ECE1: variants seen among roughly 807,000 people sequenced by gnomAD.
ECE1 encodes endothelin converting enzyme 1.
Under a neutral mutation model 98.6 loss-of-function variants are expected in ECE1, and 35 were observed. The ratio of observed to expected loss-of-function variants is 0.35; its 90% CI spans 0.27 to 0.47. The LOEUF (loss-of-function observed/expected upper bound fraction) is 0.47, where lower values mean the gene tolerates loss of function less well. Ranked by LOEUF, ECE1 falls within the 20% of genes least tolerant of loss-of-function variation. The pLI is 1.00. For synonymous variants in ECE1, 394 were observed against 407.1 expected (o/e 0.97, Z 0.39); for missense variants, 814 against 1,025.3 (o/e 0.79, Z 2.81).
In ECE1 at chr1:21,343,964, T is replaced by C. The variant is rs1569801651; in HGVS notation, c.3+1412A>G. On this transcript the variant is annotated intron_variant, in intron 1 of 18. Coordinates refer to the ECE1 transcript ENST00000415912. ...AAATCCAGTGCTGGTCCACAGATAG[T>C]GCACTCCCTGTGTCGGAAACGGTCT... Among the ~76,000 whole-genome samples, 4 of 152,118 alleles carry C rather than the reference T, an allele frequency of 2.6e-5. No homozygotes were observed. In the South Asian group the frequency reaches 8.3e-4, roughly 32 times the overall value.
intron 1 of ECE1, among the ~76,000 whole-genome samples, chr1:21,318,264 A>T (rs1638876050): frequency 1.3e-5 from 2 of 152,174 alleles, no homozygotes; most frequent in Admixed American, 1.3e-4. Flanking sequence ...CTGCTGGCGC[A>T]TGTGCAGGAA....
intron 1 of ECE1, among the ~76,000 whole-genome samples, chr1:21,333,357 G>A (rs1010783323): frequency 6.6e-6 from 1 of 152,008 alleles, no homozygotes; most frequent in African/African-American, 2.4e-5. Flanking sequence ...GGGGTGGGTG[G>A]GTAGTAGTGT....
intron 11 of ECE1, 35 bp from the exon 12 acceptor site, chr1:21,236,879 G>A (rs373635439): frequency 3.4e-5 from 53 of 1,578,388 alleles, no homozygotes; most frequent in African/African-American, 3.1e-4. Flanking sequence ...TAAGGTCTGC[G>A]CACTGGTCTC....
chr1:21,302,759 G>T (rs1350029482), intron 1 of ECE1, among the ~76,000 whole-genome samples: 1 of 152,184 alleles, frequency 6.6e-6, no homozygotes, highest in Non-Finnish European at 1.5e-5. Flanking sequence ...CCCTTTGGAG[G>T]TGGAAGGTGA....
At chr1:21,344,878 C>G (rs550579822) in intron 1 of ECE1, 2 of 153,110 alleles carry the variant, frequency 1.3e-5, no homozygotes, top group East Asian at 3.9e-4. Flanking sequence ...CGCAACCTAG[C>G]CCTCCGAATG....
intron 17 of ECE1, among the ~76,000 whole-genome samples, chr1:21,222,403 C>A (rs534779017): frequency 1.3e-5 from 2 of 152,274 alleles, no homozygotes; most frequent in Non-Finnish European, 2.9e-5. Flanking sequence ...CAATTCCATT[C>A]CCCTCCTGGC....
rs1408161157 is a variant in ECE1, at chr1:21,322,823, C to T, written c.3+22553G>A. On this transcript the variant is annotated intron_variant, in intron 1 of 18. Transcript: ENST00000415912. This position sits in a 1 kb window ranked among gnomAD's most constrained non-coding sequence, Gnocchi z 4.1. ...AGGCCGGGAAGGGAAGTGGGCATGGCCCCCGGAAGAGGACGCACATGGATC... is the reference window on the plus strand; with the variant it reads ...AGGCCGGGAAGGGAAGTGGGCATGGTCCCCGGAAGAGGACGCACATGGATC... Among the ~76,000 whole-genome samples the T allele has an allele frequency of 2.6e-5, 4 of 152,160 alleles. No homozygotes were observed. In the East Asian group the frequency reaches 7.7e-4, roughly 29 times the overall value.
In ECE1 at chr1:21,233,603, C is replaced by A. The variant is rs2098184502; in HGVS notation, c.1625G>T (p.Trp542Leu). ...CCTGAGCTGATCGGCAGTGACCCTC[C>A]ATGAGAAGTTGAAAAACCGCATGGC... ...ENAMRFFNFS[W>L]RVTADQLRKA... The change falls in exon 14 of 19, where the codon TGG (tryptophan) becomes TTG (leucine). Residue 542 changes from tryptophan (W) to leucine (L), a missense_variant. Trp to Leu is a moderately conservative substitution (Grantham distance 61). This residue lies in a region of ECE1 where 452 missense variants were observed against 567.3 expected (regional missense o/e 0.80). Coordinates refer to ENST00000374893, the MANE Select transcript of ECE1 (RefSeq NM_001397.3). This position sits in a 1 kb window ranked among gnomAD's most constrained non-coding sequence, Gnocchi z 4.0. The A allele has an allele frequency of 3.1e-6, 5 of 1,613,938 alleles. No individual in the cohort carries two copies. The highest frequency in any genetic ancestry group is 3.4e-6 in the Non-Finnish European group (4 of 1,180,000).
At chr1:21,250,413 C>T (rs566813355) in intron 8 of ECE1, among the ~76,000 whole-genome samples, 19 of 152,300 alleles carry the variant, frequency 1.2e-4, no homozygotes, top group East Asian at 1.9e-4. Flanking sequence ...CTGTACATGT[C>T]GATCACTTAG....
chr1:21,260,691 C>T lies in ECE1; in HGVS notation c.494-299G>A, dbSNP rs567548991. Among the ~76,000 whole-genome samples the T allele has an allele frequency of 1.3e-5, 2 of 152,300 alleles. No individual in the cohort carries two copies. Among genetic ancestry groups the T allele is most frequent in the African/African-American group, 2.4e-5 (1 of 41,558 alleles). ...TGTCCCCGGGTTGACCGCACGTGCC[C>T]ACCAGCAGGACAGTGTTCTTCCCCT... On this transcript the variant is annotated intron_variant, in intron 4 of 18. Transcript: ENST00000374893. The surrounding 1 kb of genome is among the most constrained non-coding windows in gnomAD (Gnocchi z 4.3).
At position 21,251,501 on chromosome 1, in the gene ECE1, C is replaced by T. The variant is rs187799728; in HGVS notation, c.1021-4138G>A. 2.3e-3 allele frequency among the ~76,000 whole-genome samples: 349 copies of T among 152,262 alleles called. 2 individuals are homozygous for T. Among genetic ancestry groups the T allele is most frequent in the African/African-American group, 7.4e-3 (308 of 41,552 alleles). Reference sequence around the variant, plus strand: ...CTGCACTCCAGCCTGGGCAACAGGGCGAAGCTCTGTCTCAAAACAAAAACA... The same window carrying T: ...CTGCACTCCAGCCTGGGCAACAGGGTGAAGCTCTGTCTCAAAACAAAAACA... On this transcript the variant is annotated intron_variant, in intron 8 of 18. Transcript: ENST00000374893.
intron 1 of ECE1, among the ~76,000 whole-genome samples, chr1:21,343,050 C>T (rs1414946499): frequency 6.6e-6 from 1 of 152,180 alleles, no homozygotes; most frequent in Non-Finnish European, 1.5e-5. Context: ...CACACCTCTG[C>T]TCCTCTGTCA....
chr1:21,221,924 T>C, intron 17 of ECE1, 82 bp from the exon 18 acceptor site: 2 of 1,262,960 alleles, frequency 1.6e-6, no homozygotes, highest in Non-Finnish European at 2.3e-6. Context: ...CTCAGGGAGC[T>C]CCCCCGTGTT....
intron 1 of ECE1, among the ~76,000 whole-genome samples, chr1:21,300,636 A>G (rs1011192753): frequency 2.0e-5 from 3 of 152,162 alleles, no homozygotes; most frequent in Non-Finnish European, 2.9e-5. Context: ...AGGTTTTGCC[A>G]TGTTGGCCAG....
chr1:21,230,615 T>C (rs2098180577), intron 14 of ECE1, among the ~76,000 whole-genome samples: 1 of 152,062 alleles, frequency 6.6e-6, no homozygotes, highest in Non-Finnish European at 1.5e-5. Flanking sequence ...CTTGAACTCC[T>C]GACCTCGTGA....
chr1:21,315,311 G>A (rs1260351432), intron 1 of ECE1, among the ~76,000 whole-genome samples: 5 of 152,180 alleles, frequency 3.3e-5, no homozygotes, highest in African/African-American at 1.2e-4. Flanking sequence ...AGCTGAATCC[G>A]ATGCCTACTG....
At chr1:21,232,765 G>A (rs1430055325) in intron 14 of ECE1, among the ~76,000 whole-genome samples, 2 of 150,840 alleles carry the variant, frequency 1.3e-5, no homozygotes, top group South Asian at 2.1e-4. Context: ...TCCGCCTCCC[G>A]GGTTCAAGCA....
At chr1:21,341,015 T>G (rs974805704) in intron 1 of ECE1, among the ~76,000 whole-genome samples, 2 of 151,944 alleles carry the variant, frequency 1.3e-5, no homozygotes, top group Non-Finnish European at 2.9e-5. Flanking sequence ...TCTGTACTCT[T>G]GCACATTCTG....
At chr1:21,306,174 A>G (rs1186122727) in intron 1 of ECE1, among the ~76,000 whole-genome samples, 1 of 152,254 alleles carries the variant, frequency 6.6e-6, no homozygotes. Flanking sequence ...CCCACCAGGA[A>G]TACATTAAAC....
Sources: gnomAD v4.1 joint callset for allele counts (sites outside exome capture counted in the v4.1 genomes callset) on GRCh38, gnomAD v4.1.1 for gene constraint, gnomAD v4.1.1 regional missense constraint, Gnocchi (gnomAD v3.1) non-coding constraint, MANE v1.5 for transcripts, NCBI Gene and HGNC (gene_info 2026-07-23, HGNC 2026-07-21) for gene names.